Variants in ILDR2 observed in about 807,000 individuals in gnomAD.
ILDR2 encodes the protein immunoglobulin like domain containing receptor 2, also known as immunoglobulin-like domain-containing receptor 2.
Under a neutral mutation model 66.8 loss-of-function variants are expected in ILDR2, and 25 were observed. That is an observed-to-expected ratio of 0.37 (90% CI 0.27 to 0.52). ILDR2 has a LOEUF of 0.52. Ranked by LOEUF, ILDR2 falls within the 20% of genes least tolerant of loss-of-function variation. The pLI, the probability that ILDR2 is intolerant of heterozygous loss-of-function variation, is 0.88. For synonymous variants in ILDR2, 367 were observed against 357.2 expected, an observed-to-expected ratio of 1.03 and a Z score of -0.31; for missense variants, 827 against 876.8, an observed-to-expected ratio of 0.94 and a Z score of 0.72.
chr1:166,933,650 T>C (rs1557938450), intron 6 of ILDR2: 2 of 502,692 alleles, frequency 4.0e-6, no homozygotes, highest in Non-Finnish European at 5.1e-6. Context: ...AACAGTTTTA[T>C]TAGATAATCC....
At chr1:166,947,525 C>T (rs978759438) in intron 3 of ILDR2, among the ~76,000 whole-genome samples, 1 of 152,238 alleles carries the variant, frequency 6.6e-6, no homozygotes, top group Admixed American at 6.5e-5. Flanking sequence ...CAAGCCTGCA[C>T]GCCTGAATAG....
chr1:166,920,953 G>A lies in ILDR2; in HGVS notation c.1638C>T (p.Gly546=), dbSNP rs1239104680. The change falls in exon 9 of 10, where the codon GGC becomes GGT. Residue 546 remains glycine (G), a synonymous_variant. Transcript: ENST00000271417. ...TCCGCTTGGATGGCGTCTCCAGGCT[G>A]CCACCGCGGCTGGCGCCCTCGGGCC... The part of the protein sequence containing the change: ...QARPEGASRG[G]SLETPSKRSA... The A allele has an allele frequency of 6.7e-7, 1 of 1,483,522 alleles. No individual in the cohort carries two copies. The highest frequency in any genetic ancestry group is 8.9e-7 in the Non-Finnish European group (1 of 1,126,980). 91.9% of individuals were successfully genotyped at this position (1,483,522 alleles called of 1,614,324 possible).
intron 1 of ILDR2, among the ~76,000 whole-genome samples, chr1:166,974,276 C>T (rs983464702): frequency 6.6e-6 from 1 of 152,180 alleles, no homozygotes; most frequent in African/African-American, 2.4e-5. Context: ...TCCAAGCTAT[C>T]CAGACATTCC....
Position 166,910,867 on chromosome 1 carries a change from T to C in ILDR2, c.*8488A>G, listed in dbSNP as rs1341758966. Reference sequence around the variant, plus strand: ...AAAATGAATTATTTGTTTTGCCTAATTTTAATCCATCCTATGAGTCTAGTC... The same window carrying C: ...AAAATGAATTATTTGTTTTGCCTAACTTTAATCCATCCTATGAGTCTAGTC... On this transcript the variant is annotated 3_prime_UTR_variant, in exon 10 of 10. Transcript: ENST00000271417. 6.6e-6 allele frequency: 1 copy of C among 152,258 alleles called. No individual in the cohort carries two copies. The highest frequency in any genetic ancestry group is 1.5e-5 in the Non-Finnish European group (1 of 68,046). 9.4% of individuals were successfully genotyped at this position (152,258 alleles called of 1,614,324 possible). A position where few individuals can be genotyped will look rare whatever the true frequency, so the allele number is the denominator to read the frequency against.
intron 6 of ILDR2, among the ~76,000 whole-genome samples, chr1:166,934,969 G>A (rs1660856904): frequency 6.6e-6 from 1 of 152,192 alleles, no homozygotes; most frequent in South Asian, 2.1e-4. Flanking sequence ...CTTCTTGCAG[G>A]CCCTCACAGT....
rs375707983 is a variant in ILDR2 at position 166,908,589 on chromosome 1, G to A, written c.*10766C>T. On this transcript the variant is annotated 3_prime_UTR_variant, in exon 10 of 10. Coordinates refer to ENST00000271417, the MANE Select transcript of ILDR2 (RefSeq NM_199351.3). ...TTGCCCAGCATTAAGTATTTTTCTT[G>A]AAACTGTCTGGAACCTCTAACAAAA... The A allele has an allele frequency of 6.6e-6, 1 of 152,162 alleles. No homozygotes were observed. The highest frequency in any genetic ancestry group is 2.4e-5 in the African/African-American group (1 of 41,422). The allele number at this position is 152,162 out of a possible 1,614,324, so 9.4% of individuals were successfully genotyped here.
chr1:166,932,271 G>A (rs1414853670), intron 6 of ILDR2, among the ~76,000 whole-genome samples: 2 of 152,230 alleles, frequency 1.3e-5, no homozygotes, highest in African/African-American at 2.4e-5. Context: ...GCAAGAGCTG[G>A]TTTCTGGAAT....
chr1:166,967,151 C>T (rs973556957), intron 1 of ILDR2, among the ~76,000 whole-genome samples: 1 of 152,160 alleles, frequency 6.6e-6, no homozygotes, highest in Non-Finnish European at 1.5e-5. Context: ...TTAGGAGAAG[C>T]GATGTGTGTA....
chr1:166,921,047 C>T lies in ILDR2; in HGVS notation c.1544G>A (p.Ser515Asn), dbSNP rs774827599. The change falls in exon 9 of 10, where the codon AGC becomes AAC. Residue 515 changes from serine (S) to asparagine (N), a missense_variant. By Grantham distance (46) the Ser-to-Asn change is conservative. Around this residue, in one of 2 missense-constraint regions of ILDR2, gnomAD observed 390 missense variants for 353.6 expected, o/e 1.10. Coordinates refer to ENST00000271417, the MANE Select transcript of ILDR2 (RefSeq NM_199351.3). The surrounding 1 kb of genome is among the most constrained non-coding windows in gnomAD (Gnocchi z 5.3). ...AEDAHLPRLV[S>N]RTPGTAPKYD... ...TTTGGGTGCGGTGCCTGGCGTGCGG[C>T]TCACCAGCCGCGGCAGGTGCGCGTC... 1.3e-6 allele frequency: 2 copies of T among 1,502,396 alleles called. No homozygotes were observed. The highest frequency in any genetic ancestry group is 1.8e-6 in the Non-Finnish European group (2 of 1,136,402). The allele number at this position is 1,502,396 out of a possible 1,614,324, so 93.1% of individuals were successfully genotyped here.
chr1:166,932,966 C>T (rs1660722591), intron 6 of ILDR2, among the ~76,000 whole-genome samples: 1 of 152,158 alleles, frequency 6.6e-6, no homozygotes, highest in Admixed American at 6.5e-5. Context: ...ACTAGCCAAA[C>T]ACTATCACTA....
At chr1:166,960,940 G>A (rs1229744510) in intron 1 of ILDR2, among the ~76,000 whole-genome samples, 1 of 152,158 alleles carries the variant, frequency 6.6e-6, no homozygotes, top group Non-Finnish European at 1.5e-5. Flanking sequence ...TAATAAGAAT[G>A]GGACAAGAGA....
chr1:166,900,049 C>G (rs541871142), intron 2 of ILDR2, among the ~76,000 whole-genome samples: 2 of 152,308 alleles, frequency 1.3e-5, no homozygotes, highest in African/African-American at 2.4e-5. Flanking sequence ...ACAAGACACC[C>G]AGGTCATTCA....
intron 1 of ILDR2, among the ~76,000 whole-genome samples, chr1:166,967,554 C>T (rs942007733): frequency 2.6e-5 from 4 of 152,096 alleles, no homozygotes; most frequent in African/African-American, 9.7e-5. Context: ...GCTAGGAGTT[C>T]GATACCAGCC....
chr1:166,965,352 A>AT (rs1662874955), intron 1 of ILDR2, among the ~76,000 whole-genome samples: 1 of 152,080 alleles, frequency 6.6e-6, no homozygotes, highest in Non-Finnish European at 1.5e-5. Flanking sequence ...CCTGAGGGTA[A>AT]TTTTATATAA....
At chr1:166,948,348 A>G (rs1440654043) in intron 3 of ILDR2, among the ~76,000 whole-genome samples, 2 of 152,200 alleles carry the variant, frequency 1.3e-5, no homozygotes, top group Non-Finnish European at 2.9e-5. Context: ...TCTCAAGAGT[A>G]TCCTAGTTTG....
chr1:166,975,235 A>G lies in ILDR2; in HGVS notation c.34T>C (p.Phe12Leu). 1 of 1,613,162 alleles carries G rather than the reference A, an allele frequency of 6.2e-7. No individual in the cohort carries two copies. Among genetic ancestry groups the G allele is most frequent in the Non-Finnish European group, 8.5e-7 (1 of 1,179,234 alleles). ...DRVLLRWISL[F>L]WLTAMVEGLQ... ...AAAGGACTCTTACCTGTTAGCCAGA[A>G]GAGAGAAATCCACCTCAGCAAGACC... is the stretch of plus-strand genomic sequence containing the variant. Residue 12 changes from phenylalanine (F) to leucine (L), a missense_variant, in exon 1 of 10, where the codon TTC becomes CTC. By Grantham distance (22) the Phe-to-Leu change is conservative. This residue lies in a region of ILDR2 where 437 missense variants were observed against 523.2 expected (regional missense o/e 0.84). Coordinates refer to ENST00000271417, the MANE Select transcript of ILDR2 (RefSeq NM_199351.3).
chr1:166,973,615 C>CCCG (rs1203160782), intron 1 of ILDR2, among the ~76,000 whole-genome samples: 1 of 85,048 alleles, frequency 1.2e-5, no homozygotes, highest in Non-Finnish European at 2.2e-5. Context: ...GGACCCCTCC[C>CCCG]CCCCCCCCCC....
Position 166,935,403 on chromosome 1 carries a change from G to A in ILDR2, c.778C>T (p.Pro260Ser), listed in dbSNP as rs1660889999. 6.2e-7 allele frequency: 1 copy of A among 1,613,778 alleles called. No individual in the cohort carries two copies. The highest frequency in any genetic ancestry group is 1.1e-5 in the South Asian group (1 of 91,062). ...GGGGCTCCTCCCAAAGGGACAGAGG[G>A]GATGGAGTAAGGGCCGGGGACACCG... ...VSGVPGPYSI[P>S]SVPLGGAPSS... The change falls in exon 6 of 10, where the codon CCC (proline) becomes TCC (serine). Residue 260 changes from proline to serine, a missense_variant. Around this residue, in one of 2 missense-constraint regions of ILDR2, gnomAD observed 437 missense variants for 523.2 expected, o/e 0.84. Transcript: ENST00000271417.
chr1:166,942,735 C>T (rs148439263), intron 3 of ILDR2, among the ~76,000 whole-genome samples: 122 of 152,300 alleles, frequency 8.0e-4, no homozygotes, highest in Admixed American at 2.4e-3. Context: ...ACAGTAAATA[C>T]AAGATCTAGT....
Sources: gnomAD v4.1 joint callset for allele counts (sites outside exome capture counted in the v4.1 genomes callset) on GRCh38, gnomAD v4.1.1 for gene constraint, gnomAD v4.1.1 regional missense constraint, Gnocchi (gnomAD v3.1) non-coding constraint, MANE v1.5 for transcripts, NCBI Gene and HGNC (gene_info 2026-07-23, HGNC 2026-07-21) for gene names.